EMSY: variants seen among roughly 807,000 people sequenced by gnomAD.
EMSY encodes EMSY transcriptional repressor, BRCA2 interacting.
Under a neutral mutation model 134.6 loss-of-function variants are expected in EMSY, and 26 were observed. That is an observed-to-expected ratio of 0.19 (90% confidence interval 0.14 to 0.27). The LOEUF is 0.27. Ranked by LOEUF, EMSY falls within the 10% of genes least tolerant of loss-of-function variation. EMSY has a pLI of 1.00. For missense variants in EMSY, 1,305 were observed against 1,611.4 expected (o/e 0.81, Z 3.26); for synonymous variants, 579 against 577.8 (o/e 1.00, Z -0.03).
At chr11:76,474,188 C>T (rs1288154583) in intron 8 of EMSY, among the ~76,000 whole-genome samples, 1 of 151,396 alleles carries the variant, frequency 6.6e-6, no homozygotes, top group Non-Finnish European at 1.5e-5. Context: ...TTCTTAATAC[C>T]TTTGTGTTCC....
intron 15 of EMSY, among the ~76,000 whole-genome samples, chr11:76,537,228 C>T (rs1023556127): frequency 1.3e-5 from 2 of 152,168 alleles, no homozygotes; most frequent in Non-Finnish European, 2.9e-5. Context: ...TGATTCCAGA[C>T]TGTTATATCA....
chr11:76,492,668 G>T (rs1441417576), intron 8 of EMSY, among the ~76,000 whole-genome samples: 2 of 152,126 alleles, frequency 1.3e-5, no homozygotes, highest in Non-Finnish European at 1.5e-5. Context: ...CACAGAGCCC[G>T]CAGGGAGCCA....
chr11:76,526,367 C>T (rs1456822026), intron 12 of EMSY, 95 bp from the exon 14 acceptor site: 2 of 887,256 alleles, frequency 2.3e-6, no homozygotes, highest in African/African-American at 1.7e-5. Flanking sequence ...GCCCTTTTTT[C>T]ATCATCCTGG....
chr11:76,494,007 C>T (rs917641605), intron 8 of EMSY, among the ~76,000 whole-genome samples: 6 of 152,238 alleles, frequency 3.9e-5, no homozygotes, highest in African/African-American at 9.6e-5. Context: ...TCCAAGCTTT[C>T]GGGCGCCACT....
intron 10 of EMSY, among the ~76,000 whole-genome samples, chr11:76,515,472 C>T (rs1950419554): frequency 6.6e-6 from 1 of 151,926 alleles, no homozygotes; most frequent in African/African-American, 2.4e-5. Context: ...GGTATAAAAT[C>T]TTTTGAGACA....
intron 14 of EMSY, among the ~76,000 whole-genome samples, chr11:76,532,512 A>G (rs1304933522): frequency 1.3e-5 from 2 of 152,100 alleles, no homozygotes; most frequent in African/African-American, 4.8e-5. Flanking sequence ...GTCATATGTC[A>G]TATCGTTCCT....
chr11:76,467,336 A>G (rs1199796292), intron 7 of EMSY, among the ~76,000 whole-genome samples: 1 of 152,146 alleles, frequency 6.6e-6, no homozygotes, highest in Admixed American at 6.5e-5. Context: ...CTTCTTGTCT[A>G]GTCTTTTAAT....
chr11:76,526,311 G>T lies in EMSY; in HGVS notation c.1822-151G>T, dbSNP rs148710458. 4.4e-3 allele frequency: 2,241 copies of T among 507,312 alleles called. 45 individuals are homozygous for T. The highest frequency in any genetic ancestry group is 0.041 in the African/African-American group (2,067 of 50,366). The allele number at this position is 507,312 out of a possible 1,614,324, so 31.4% of individuals were successfully genotyped here. On this transcript the variant is annotated intron_variant, in intron 12 of 20. Coordinates refer to ENST00000334736, the Ensembl canonical transcript of EMSY. ...TCTATATCATTTCAACCAAGTCTAC[G>T]ATTTTTGATTTCCTGGAAACATTAT...
intron 7 of EMSY, among the ~76,000 whole-genome samples, chr11:76,466,884 A>G (rs1033103509): frequency 1.2e-4 from 19 of 152,230 alleles, no homozygotes; most frequent in African/African-American, 4.6e-4. Context: ...ATCTTAGGAC[A>G]TTATTGCAAG....
At chr11:76,464,122 C>T (rs1202760942) in intron 7 of EMSY, 42 bp downstream of exon 8, 2 of 1,608,470 alleles carry the variant, frequency 1.2e-6, no homozygotes, top group South Asian at 2.2e-5. Flanking sequence ...TTGTTTCTTT[C>T]AGACAGTATG....
chr11:76,454,469 T>C (rs1321775186), intron 4 of EMSY, among the ~76,000 whole-genome samples: 2 of 152,142 alleles, frequency 1.3e-5, no homozygotes, highest in Non-Finnish European at 2.9e-5. Context: ...TTAGTCAATG[T>C]GTTCCTTCTT....
At chr11:76,543,926 A>T (rs1479002906) in intron 18 of EMSY, among the ~76,000 whole-genome samples, 4 of 152,168 alleles carry the variant, frequency 2.6e-5, no homozygotes. Context: ...AACATCATGA[A>T]TAGGCCAGAC....
chr11:76,500,339 C>T (rs551951161), intron 9 of EMSY, among the ~76,000 whole-genome samples: 13 of 152,192 alleles, frequency 8.5e-5, no homozygotes, highest in Admixed American at 7.8e-4. Flanking sequence ...AATCTCTTCC[C>T]AAAGGAACTA....
At chr11:76,544,284 C>A in exon 19 of EMSY, 4 of 1,613,810 alleles carry the variant, frequency 2.5e-6, no homozygotes, top group Non-Finnish European at 3.4e-6. Context: ...ACTGCTTTTA[C>A]CAAACACAGC....
intron 8 of EMSY, among the ~76,000 whole-genome samples, chr11:76,490,853 GGGGTGTGTGT>G (rs1422289288): frequency 2.0e-5 from 3 of 149,370 alleles, no homozygotes; most frequent in Middle Eastern, 3.4e-3. Flanking sequence ...TCATTGCTAG[GGGGTGTGTGT>G]GTGTGTGTGT....
chr11:76,473,573 T>C (rs1426642291), intron 8 of EMSY, among the ~76,000 whole-genome samples: 1 of 152,000 alleles, frequency 6.6e-6, no homozygotes, highest in Non-Finnish European at 1.5e-5. Flanking sequence ...CTTCCCGAAG[T>C]GCTGGTATGA....
At chr11:76,516,388 G>T (rs1950452784) in intron 11 of EMSY, 76 bp downstream of exon 12, 2 of 1,067,346 alleles carry the variant, frequency 1.9e-6, no homozygotes, top group Non-Finnish European at 1.3e-6. Flanking sequence ...TTCATTGAAG[G>T]ATTATATTTG....
intron 13 of EMSY, among the ~76,000 whole-genome samples, chr11:76,527,762 G>A (rs1342971024): frequency 6.7e-6 from 1 of 150,084 alleles, no homozygotes; most frequent in Non-Finnish European, 1.5e-5. Flanking sequence ...TTAGGAATTT[G>A]ATTTAGTTTC....
intron 9 of EMSY, among the ~76,000 whole-genome samples, chr11:76,507,896 A>AGTCT (rs1950141456): frequency 7.5e-6 from 1 of 132,510 alleles, no homozygotes; most frequent in East Asian, 2.1e-4. Flanking sequence ...TTTGAGACAT[A>AGTCT]GTCTGTCAGC....
Sources: gnomAD v4.1 joint callset for allele counts (sites outside exome capture counted in the v4.1 genomes callset) on GRCh38, gnomAD v4.1.1 for gene constraint, MANE v1.5 for transcripts, NCBI Gene and HGNC (gene_info 2026-07-23, HGNC 2026-07-21) for gene names.